Variants in FCHO1 observed in about 807,000 individuals in gnomAD.
FCHO1 encodes the protein F-BAR domain only protein 1.
In FCHO1, 45 loss-of-function variants were observed where a neutral mutation model predicts 114.4. The ratio of observed to expected loss-of-function variants is 0.39; its 90% confidence interval spans 0.31 to 0.50. FCHO1 has a LOEUF of 0.50. FCHO1 is among the 20% of genes least tolerant of loss of function. FCHO1 has a pLI of 0.77. For synonymous variants in FCHO1, 480 were observed against 488.9 expected, an observed-to-expected ratio of 0.98 and a Z score of 0.24; for missense variants, 1,042 against 1,209.6, an observed-to-expected ratio of 0.86 and a Z score of 2.06.
At chr19:17,762,889 C>A in intron 5 of FCHO1, 36 bp downstream of exon 5, 2 of 1,421,370 alleles carry the variant, frequency 1.4e-6, no homozygotes, top group Non-Finnish European at 2.0e-6. Flanking sequence ...AGAGGCCACG[C>A]CCACCATCCT....
At chr19:17,766,934 A>G (rs2089437867) in intron 7 of FCHO1, 124 bp downstream of exon 7, 2 of 1,075,852 alleles carry the variant, frequency 1.9e-6, no homozygotes, top group Admixed American at 5.2e-5. Context: ...CGTTAATTCC[A>G]CAACGTCAAG....
intron 6 of FCHO1, among the ~76,000 whole-genome samples, chr19:17,766,055 A>AT (rs1227389551): frequency 6.7e-6 from 1 of 150,090 alleles, no homozygotes; most frequent in Non-Finnish European, 1.5e-5. Flanking sequence ...CGCCCGGCTA[A>AT]TTTTTTGTAT....
rs1367457159 is a variant in FCHO1, at chr19:17,775,047, C to T, written c.921-9C>T. 1.2e-6 allele frequency: 2 copies of T among 1,613,602 alleles called. No individual in the cohort carries two copies. The highest frequency in any genetic ancestry group is 2.2e-5 in the East Asian group (1 of 44,864). ...AAGCTGACACCAACATCTCTTCCTC[C>T]ATCCCCAGAGATTTCCTGGAGCCCG... On this transcript the variant is annotated splice_polypyrimidine_tract_variant and intron_variant, in intron 13 of 28. Transcript: ENST00000596536. This position sits in a 1 kb window ranked among gnomAD's most constrained non-coding sequence, Gnocchi z 5.1.
chr19:17,767,567 A>AC (rs2089826778), intron 7 of FCHO1, among the ~76,000 whole-genome samples: 1 of 151,330 alleles, frequency 6.6e-6, no homozygotes. Flanking sequence ...ACTGTCTAAA[A>AC]AAAAAAAAAA....
At chr19:17,777,446 G>A (rs749071518) in intron 18 of FCHO1, among the ~76,000 whole-genome samples, 11 of 144,394 alleles carry the variant, frequency 7.6e-5, no homozygotes, top group East Asian at 4.4e-4. Context: ...TGAGGCAGGA[G>A]AATCGCTTGA....
At position 17,764,413 on chromosome 19, in the gene FCHO1, A is replaced by G; in HGVS notation, c.158A>G (p.Lys53Arg). 6.2e-7 allele frequency: 1 copy of G among 1,613,598 alleles called. No homozygotes were observed. The highest frequency in any genetic ancestry group is 8.5e-7 in the Non-Finnish European group (1 of 1,179,876). Residue 53 changes from lysine to arginine, a missense_variant, in exon 6 of 29, where the codon AAA (lysine) becomes AGA (arginine). This residue lies in a region of FCHO1 where 450 missense variants were observed against 564.1 expected (regional missense o/e 0.80). Transcript: ENST00000596536. The part of the protein sequence containing the change: ...IEETYSKAMA[K>R]LSKLASNGTP... ...GAGACCTACTCGAAGGCGATGGCGAAACTCTCCAAGCTGGCCAGCAACGGG... is the reference window on the plus strand; with the variant it reads ...GAGACCTACTCGAAGGCGATGGCGAGACTCTCCAAGCTGGCCAGCAACGGG...
At chr19:17,760,356 A>G (rs1259494118) in intron 4 of FCHO1, among the ~76,000 whole-genome samples, 2 of 151,614 alleles carry the variant, frequency 1.3e-5, no homozygotes, top group Non-Finnish European at 2.9e-5. Flanking sequence ...CGGCCTGATT[A>G]CCATTTTTAA....
At chr19:17,771,972 C>A (rs2091717294) in intron 9 of FCHO1, among the ~76,000 whole-genome samples, 1 of 152,068 alleles carries the variant, frequency 6.6e-6, no homozygotes, top group Non-Finnish European at 1.5e-5. Flanking sequence ...GCCACCACAC[C>A]CAGCTAATTT....
intron 20 of FCHO1, 96 bp from the exon 21 acceptor site, chr19:17,781,135 C>A: frequency 1.2e-6 from 1 of 824,426 alleles, no homozygotes; most frequent in Non-Finnish European, 2.0e-6. Flanking sequence ...TGCAGAAAAG[C>A]CCACCTCCTA....
At chr19:17,771,130 G>T (rs112785135) in intron 9 of FCHO1, among the ~76,000 whole-genome samples, 9,111 of 152,076 alleles carry the variant, frequency 0.06, 593 homozygotes, top group African/African-American at 0.16. Flanking sequence ...GCAGGTGCCT[G>T]TAATCCCAGC....
intron 1 of FCHO1, among the ~76,000 whole-genome samples, chr19:17,753,295 G>A (rs940259854): frequency 1.3e-5 from 2 of 152,190 alleles, no homozygotes; most frequent in Non-Finnish European, 2.9e-5. Context: ...GGGGTGTGGT[G>A]GGGACTGAAG....
intron 4 of FCHO1, chr19:17,755,461 TG>T: frequency 3.0e-6 from 1 of 332,104 alleles, no homozygotes. Flanking sequence ...AGTTGCCCCA[TG>T]AAAAAGTGCA....
At chr19:17,756,083 C>T (rs2083382832) in intron 4 of FCHO1, among the ~76,000 whole-genome samples, 1 of 152,206 alleles carries the variant, frequency 6.6e-6, no homozygotes, top group Non-Finnish European at 1.5e-5. Flanking sequence ...CCTGAGCTTG[C>T]AGTGAGGAAG....
upstream of FCHO1, chr19:17,747,911 GGC>G (rs1428512896): frequency 1.3e-5 from 2 of 152,374 alleles, no homozygotes; most frequent in Non-Finnish European, 2.9e-5. Flanking sequence ...GGAGGGCAAA[GGC>G]GCGGCGGGAC....
intron 9 of FCHO1, among the ~76,000 whole-genome samples, chr19:17,771,392 G>T (rs1350612367): frequency 6.6e-6 from 1 of 151,584 alleles, no homozygotes; most frequent in East Asian, 1.9e-4. Flanking sequence ...AAAAAGGCTG[G>T]GCGCGGTGGC....
At position 17,751,951 on chromosome 19, in the gene FCHO1, T is replaced by C. The variant is rs2082075542; in HGVS notation, c.-183+374T>C. On this transcript the variant is annotated intron_variant, in intron 1 of 28. Coordinates refer to ENST00000596536, the MANE Select transcript of FCHO1 (RefSeq NM_015122.3). The surrounding 1 kb of genome is among the most constrained non-coding windows in gnomAD (Gnocchi z 4.4). ...TGGGGTTGCCTCTGAGGGCATGGCATGAAGATTGGATGAGCAGATGCGTGT... is the reference window on the plus strand; with the variant it reads ...TGGGGTTGCCTCTGAGGGCATGGCACGAAGATTGGATGAGCAGATGCGTGT... 6.6e-6 allele frequency among the ~76,000 whole-genome samples: 1 copy of C among 152,230 alleles called. No homozygotes were observed. The highest frequency in any genetic ancestry group is 2.1e-4 in the South Asian group (1 of 4,836).
chr19:17,762,829 A>T lies in FCHO1; in HGVS notation c.95A>T (p.Glu32Val), dbSNP rs1378995836. ...SVKQGPISTK[E>V]LADFIRERAT... ...AAGCAGGGGCCCATCTCCACCAAGG[A>T]GCTGGCGGACTTCATCCGGGAGAGG... The change falls in exon 5 of 29, where the codon GAG (glutamate) becomes GTG (valine). Residue 32 changes from glutamate (E) to valine (V), a missense_variant. Transcript: ENST00000596536. 2 of 1,613,586 alleles carry T rather than the reference A, an allele frequency of 1.2e-6. No individual in the cohort carries two copies. Among genetic ancestry groups the T allele is most frequent in the South Asian group, 1.1e-5 (1 of 91,056 alleles).
chr19:17,777,008 G>A (rs1302640693), intron 18 of FCHO1, among the ~76,000 whole-genome samples: 4 of 151,754 alleles, frequency 2.6e-5, no homozygotes, highest in Admixed American at 6.6e-5. Context: ...ATGTTGGCCC[G>A]GCTGGTCTCG....
intron 9 of FCHO1, among the ~76,000 whole-genome samples, chr19:17,771,476 G>A (rs2091514694): frequency 6.6e-6 from 1 of 151,272 alleles, no homozygotes; most frequent in South Asian, 2.1e-4. Context: ...AGACTATCCT[G>A]GCTAACACGG....
Sources: gnomAD v4.1 joint callset for allele counts (sites outside exome capture counted in the v4.1 genomes callset) on GRCh38, gnomAD v4.1.1 for gene constraint, gnomAD v4.1.1 regional missense constraint, Gnocchi (gnomAD v3.1) non-coding constraint, MANE v1.5 for transcripts, NCBI Gene and HGNC (gene_info 2026-07-23, HGNC 2026-07-21) for gene names.